Variants in GSX2 observed in about 807,000 individuals in gnomAD.
GSX2 encodes the protein genetic-screened homeobox 2.
In GSX2, 16 loss-of-function variants were observed where a neutral mutation model predicts 19.2. The ratio of observed to expected loss-of-function variants is 0.84; its 90% CI spans 0.57 to 1.27. The LOEUF is 1.27. Among genes scored for constraint, GSX2 ranks in the 50% most tolerant of loss-of-function variants. GSX2 has a pLI of 0.00. For synonymous variants in GSX2, 217 were observed against 196.4 expected (o/e 1.10, Z -0.88); for missense variants, 448 against 428.4 (o/e 1.05, Z -0.40).
In GSX2 at chr4:54,100,273, C is replaced by T. The variant is rs1207950981; in HGVS notation, c.-72C>T. ...GCCCGTGTCTGCGCGGCTCCCAGGG[C>T]AGAGCTTAGAACACTAGAGGAGAGG... is the stretch of plus-strand genomic sequence containing the variant. On this transcript the variant is annotated 5_prime_UTR_variant, in exon 1 of 2. Coordinates refer to ENST00000326902, the MANE Select transcript of GSX2 (RefSeq NM_133267.3). The T allele has an allele frequency of 1.9e-6, 3 of 1,580,760 alleles. No homozygotes were observed. The highest frequency in any genetic ancestry group is 8.6e-7 in the Non-Finnish European group (1 of 1,168,720).
In GSX2 at chr4:54,100,617, A is replaced by G; in HGVS notation, c.273A>G (p.Gly91=). ...GGAGAGVTGA[G]GSGVAGAAGA... Reference sequence around the variant, plus strand: ...CAGGGGCCGGGGTTACCGGGGCCGGAGGCAGTGGGGTGGCAGGGGCCGCAG... The same window carrying G: ...CAGGGGCCGGGGTTACCGGGGCCGGGGGCAGTGGGGTGGCAGGGGCCGCAG... The change falls in exon 1 of 2, where the codon GGA becomes GGG. Residue 91 remains glycine (G), a synonymous_variant. Transcript: ENST00000326902. 1 of 1,554,026 alleles carries G rather than the reference A, an allele frequency of 6.4e-7. No homozygotes were observed. The highest frequency in any genetic ancestry group is 1.4e-5 in the African/African-American group (1 of 73,164).
Position 54,101,804 on chromosome 4 carries a change from G to T in GSX2, c.797G>T (p.Arg266Met), listed in dbSNP as rs748340145. ...KHKKEGKGTQ[R>M]NSHAGCKCVG... ...AAGAAGGAGGGGAAGGGCACGCAGA[G>T]GAACAGTCACGCGGGCTGCAAGTGC... Residue 266 changes from arginine (R) to methionine (M), a missense_variant, in exon 2 of 2, where the codon AGG becomes ATG. By Grantham distance (91) the Arg-to-Met change is moderately conservative (BLOSUM62 -1). Coordinates refer to ENST00000326902, the MANE Select transcript of GSX2 (RefSeq NM_133267.3). The surrounding 1 kb of genome is among the most constrained non-coding windows in gnomAD (Gnocchi z 5.0). 1.2e-6 allele frequency: 2 copies of T among 1,614,132 alleles called. No individual in the cohort carries two copies. The highest frequency in any genetic ancestry group is 1.7e-5 in the Admixed American group (1 of 60,008).
Position 54,100,599 on chromosome 4 carries a change from C to T in GSX2, c.255C>T (p.Ala85=). The T allele has an allele frequency of 1.3e-6, 2 of 1,560,344 alleles. No homozygotes were observed. Among genetic ancestry groups the T allele is most frequent in the Non-Finnish European group, 1.7e-6 (2 of 1,153,466 alleles). Residue 85 remains alanine (A), a synonymous_variant, in exon 1 of 2, where the codon GCC becomes GCT. Transcript: ENST00000326902. Reference sequence around the variant, plus strand: ...GCGCCGGCAGCGGGGGCGCAGGGGCCGGGGTTACCGGGGCCGGAGGCAGTG... The same window carrying T: ...GCGCCGGCAGCGGGGGCGCAGGGGCTGGGGTTACCGGGGCCGGAGGCAGTG... ...SVGAGSGGAG[A]GVTGAGGSGV... is the part of the protein sequence containing the mutation.
Position 54,101,972 on chromosome 4 carries a change from C to G in GSX2, c.*50C>G. 2 of 1,448,988 alleles carry G rather than the reference C, an allele frequency of 1.4e-6. No individual in the cohort carries two copies. Among genetic ancestry groups the G allele is most frequent in the Non-Finnish European group, 1.9e-6 (2 of 1,077,690 alleles). The allele number at this position is 1,448,988 out of a possible 1,614,324, so 89.8% of individuals were successfully genotyped here. On this transcript the variant is annotated 3_prime_UTR_variant, in exon 2 of 2. Transcript: ENST00000326902. This position sits in a 1 kb window ranked among gnomAD's most constrained non-coding sequence, Gnocchi z 5.0. The stretch of plus-strand genomic sequence containing the variant: ...CCCGCTCCTGGCAGACCAGGCAACG[C>G]CAAGGCGTGGGGCACCCAGGGGCCA...
rs1419494185 is a variant in GSX2, at chr4:54,101,393, G to T, written c.575-189G>T. Reference sequence around the variant, plus strand: ...GTGACTTCGCATCCTGCGCATCGAAGACCTTTATTTGCTTTGCACGTCTCT... The same window carrying T: ...GTGACTTCGCATCCTGCGCATCGAATACCTTTATTTGCTTTGCACGTCTCT... On this transcript the variant is annotated intron_variant, in intron 1 of 1. Coordinates refer to ENST00000326902, the MANE Select transcript of GSX2 (RefSeq NM_133267.3). This position sits in a 1 kb window ranked among gnomAD's most constrained non-coding sequence, Gnocchi z 5.0. Among the ~76,000 whole-genome samples the T allele has an allele frequency of 1.3e-5, 2 of 152,194 alleles. No homozygotes were observed. Among genetic ancestry groups the T allele is most frequent in the African/African-American group, 4.8e-5 (2 of 41,452 alleles).
rs1031890961 is a variant in GSX2, at chr4:54,100,551, G to T, written c.207G>T (p.Leu69=). The change falls in exon 1 of 2, where the codon CTG becomes CTT. Residue 69 remains leucine (L), a synonymous_variant. Coordinates refer to ENST00000326902, the MANE Select transcript of GSX2 (RefSeq NM_133267.3). ...CVCPLCVTSH[L]HSSRGSVGAG... is the part of the protein sequence containing the mutation. ...GCCCTCTCTGCGTCACTTCGCACCTGCACTCCTCTCGGGGGTCTGTGGGCG... is the reference window on the plus strand; with the variant it reads ...GCCCTCTCTGCGTCACTTCGCACCTTCACTCCTCTCGGGGGTCTGTGGGCG... The T allele has an allele frequency of 3.3e-5, 53 of 1,606,974 alleles. No individual in the cohort carries two copies. Among genetic ancestry groups the T allele is most frequent in the Non-Finnish European group, 4.5e-5 (53 of 1,178,016 alleles).
Position 54,100,286 on chromosome 4 carries a change from A to G in GSX2, c.-59A>G, listed in dbSNP as rs1578004271. The G allele has an allele frequency of 1.9e-6, 3 of 1,596,202 alleles. No homozygotes were observed. In the East Asian group the frequency reaches 6.8e-5, roughly 36 times the overall value. On this transcript the variant is annotated 5_prime_UTR_variant, in exon 1 of 2. Transcript: ENST00000326902. ...CGGCTCCCAGGGCAGAGCTTAGAACACTAGAGGAGAGGGGTCGCCGCGAAC... is the reference window on the plus strand; with the variant it reads ...CGGCTCCCAGGGCAGAGCTTAGAACGCTAGAGGAGAGGGGTCGCCGCGAAC...
chr4:54,101,510 C>T lies in GSX2; in HGVS notation c.575-72C>T. ...CCCCGGGTGGGTCCCTGAAATGCGT[C>T]CTGGTTAGCACATGGGGTGGGAGCA... On this transcript the variant is annotated intron_variant, in intron 1 of 1. Coordinates refer to ENST00000326902, the MANE Select transcript of GSX2 (RefSeq NM_133267.3). The surrounding 1 kb of genome is among the most constrained non-coding windows in gnomAD (Gnocchi z 5.0). 1 of 1,028,544 alleles carries T rather than the reference C, an allele frequency of 9.7e-7. No individual in the cohort carries two copies. Among genetic ancestry groups the T allele is most frequent in the Admixed American group, 2.2e-5 (1 of 45,676 alleles). 63.7% of individuals were successfully genotyped at this position (1,028,544 alleles called of 1,614,324 possible). A position where few individuals can be genotyped will look rare whatever the true frequency, so the allele number is the denominator to read the frequency against.
At position 54,102,053 on chromosome 4, in the gene GSX2, T is replaced by C; in HGVS notation, c.*131T>C. 1.3e-6 allele frequency: 1 copy of C among 767,880 alleles called. No homozygotes were observed. Among genetic ancestry groups the C allele is most frequent in the Non-Finnish European group, 2.1e-6 (1 of 483,680 alleles). 47.6% of individuals were successfully genotyped at this position (767,880 alleles called of 1,614,324 possible). On this transcript the variant is annotated 3_prime_UTR_variant, in exon 2 of 2. Coordinates refer to ENST00000326902, the MANE Select transcript of GSX2 (RefSeq NM_133267.3). ...GGAGAAGAAACGAACCTGGAAGTTC[T>C]GGAATGGACAAGCCGGGACCTGACC...
rs779734371 is a variant in GSX2, at chr4:54,100,615, G to A, written c.271G>A (p.Gly91Arg). The change falls in exon 1 of 2, where the codon GGA becomes AGA. Residue 91 changes from glycine (G) to arginine (R), a missense_variant. Physicochemically the swap from Gly to Arg is moderately radical, Grantham distance 125. Transcript: ENST00000326902. ...GGAGAGVTGA[G>R]GSGVAGAAGA... ...CGCAGGGGCCGGGGTTACCGGGGCC[G>A]GAGGCAGTGGGGTGGCAGGGGCCGC... 4 of 1,554,020 alleles carry A rather than the reference G, an allele frequency of 2.6e-6. No homozygotes were observed. Among genetic ancestry groups the A allele is most frequent in the South Asian group, 2.4e-5 (2 of 84,626 alleles).
At position 54,101,635 on chromosome 4, in the gene GSX2, A is replaced by T. The variant is rs539813189; in HGVS notation, c.628A>T (p.Thr210Ser). 40 of 1,613,934 alleles carry T rather than the reference A, an allele frequency of 2.5e-5. No homozygotes were observed. The highest frequency in any genetic ancestry group is 3.0e-5 in the Non-Finnish European group (35 of 1,179,968). ...TGGCAAGAGGATGAGGACGGCGTTC[A>T]CTAGCACGCAACTCCTGGAGCTGGA... ...PNGKRMRTAFTSTQLLELERE... is the reference protein window; with the variant it reads ...PNGKRMRTAFSSTQLLELERE... The change falls in exon 2 of 2, where the codon ACT (threonine) becomes TCT (serine). Residue 210 changes from threonine to serine, a missense_variant. Physicochemically the swap from Thr to Ser is moderately conservative, Grantham distance 58. Transcript: ENST00000326902. This position sits in a 1 kb window ranked among gnomAD's most constrained non-coding sequence, Gnocchi z 5.0.
Position 54,102,461 on chromosome 4 carries a change from A to G in GSX2, c.*539A>G. The G allele has an allele frequency of 6.6e-6, 1 of 152,158 alleles. No homozygotes were observed. Among genetic ancestry groups the G allele is most frequent in the African/African-American group, 2.4e-5 (1 of 41,560 alleles). 9.4% of individuals were successfully genotyped at this position (152,158 alleles called of 1,614,324 possible). A position where few individuals can be genotyped will look rare whatever the true frequency, so the allele number is the denominator to read the frequency against. ...GTGAATAGGTTTATATAAAATTTAT[A>G]TTTATATTTATTTAAATAAATGAAA... On this transcript the variant is annotated 3_prime_UTR_variant, in exon 2 of 2. Transcript: ENST00000326902.
chr4:54,102,058 T>A lies in GSX2; in HGVS notation c.*136T>A, dbSNP rs1205090248. On this transcript the variant is annotated 3_prime_UTR_variant, in exon 2 of 2. Coordinates refer to ENST00000326902, the MANE Select transcript of GSX2 (RefSeq NM_133267.3). Reference sequence around the variant, plus strand: ...AGAAACGAACCTGGAAGTTCTGGAATGGACAAGCCGGGACCTGACCCTTCG... The same window carrying A: ...AGAAACGAACCTGGAAGTTCTGGAAAGGACAAGCCGGGACCTGACCCTTCG... 2.7e-6 allele frequency: 2 copies of A among 744,118 alleles called. No homozygotes were observed. Among genetic ancestry groups the A allele is most frequent in the Non-Finnish European group, 4.3e-6 (2 of 463,352 alleles). The allele number at this position is 744,118 out of a possible 1,614,324, so 46.1% of individuals were successfully genotyped here. A position where few individuals can be genotyped will look rare whatever the true frequency, so the allele number is the denominator to read the frequency against.
In GSX2 at chr4:54,101,160, A is replaced by G. The variant is rs1718166814; in HGVS notation, c.574+242A>G. On this transcript the variant is annotated intron_variant, in intron 1 of 1. Coordinates refer to ENST00000326902, the MANE Select transcript of GSX2 (RefSeq NM_133267.3). This position sits in a 1 kb window ranked among gnomAD's most constrained non-coding sequence, Gnocchi z 5.0. ...GGTGCTCGAGTATTGCCTTATTAATACTGGGGCCTTAGGGACCTCGAACGT... is the reference window on the plus strand; with the variant it reads ...GGTGCTCGAGTATTGCCTTATTAATGCTGGGGCCTTAGGGACCTCGAACGT... Among the ~76,000 whole-genome samples, 1 of 152,224 alleles carries G rather than the reference A, an allele frequency of 6.6e-6. No homozygotes were observed. The highest frequency in any genetic ancestry group is 1.5e-5 in the Non-Finnish European group (1 of 68,044).
chr4:54,100,933 TG>T lies in GSX2; in HGVS notation c.574+19del. On this transcript the variant is annotated intron_variant, in intron 1 of 1. Coordinates refer to ENST00000326902, the MANE Select transcript of GSX2 (RefSeq NM_133267.3). Reference sequence around the variant, plus strand: ...CCTCACCATGGGTAGGGCGGGGTCTTGGGGCACCTGCGCTCCGCGCCTTTCG... The same window carrying T: ...CCTCACCATGGGTAGGGCGGGGTCTTGGGCACCTGCGCTCCGCGCCTTTCG... 1 of 1,544,892 alleles carries T rather than the reference TG, an allele frequency of 6.5e-7. No homozygotes were observed.
In GSX2 at chr4:54,101,225, G is replaced by A. The variant is rs902272071; in HGVS notation, c.574+307G>A. Among the ~76,000 whole-genome samples, 1 of 152,158 alleles carries A rather than the reference G, an allele frequency of 6.6e-6. No individual in the cohort carries two copies. On this transcript the variant is annotated intron_variant, in intron 1 of 1. Coordinates refer to ENST00000326902, the MANE Select transcript of GSX2 (RefSeq NM_133267.3). The surrounding 1 kb of genome is among the most constrained non-coding windows in gnomAD (Gnocchi z 5.0). ...CAGAGGTTAACTGCTTGGGATTTGG[G>A]GTGGGTGTGTTTGAACCTGTGTGGC...
intron 1 of GSX2, 35 bp downstream of exon 1, chr4:54,100,953 C>T (rs752371381): frequency 2.0e-6 from 3 of 1,515,216 alleles, no homozygotes; most frequent in South Asian, 2.4e-5. Context: ...GCGCTCCGCG[C>T]CTTTCGCGCT....
At position 54,100,806 on chromosome 4, in the gene GSX2, A is replaced by G. The variant is rs371991245; in HGVS notation, c.462A>G (p.Ala154=). 24 of 1,453,226 alleles carry G rather than the reference A, an allele frequency of 1.7e-5. No homozygotes were observed. Among genetic ancestry groups the G allele is most frequent in the South Asian group, 2.9e-5 (2 of 69,838 alleles). 90.0% of individuals were successfully genotyped at this position (1,453,226 alleles called of 1,614,324 possible). A position where few individuals can be genotyped will look rare whatever the true frequency, so the allele number is the denominator to read the frequency against. ...PGSAAAAAAA[A]AAAAAAAALG... is the part of the protein sequence containing the mutation. ...CGGCCGCGGCGGCGGCAGCAGCAGC[A>G]GCGGCGGCGGCGGCCGCGGCGGCCT... is the stretch of plus-strand genomic sequence containing the variant. Residue 154 remains alanine (A), a synonymous_variant, in exon 1 of 2, where the codon GCA becomes GCG. Transcript: ENST00000326902.
Position 54,101,794 on chromosome 4 carries a change from G to T in GSX2, c.787G>T (p.Gly263Cys). The T allele has an allele frequency of 2.5e-6, 4 of 1,614,228 alleles. No homozygotes were observed. The highest frequency in any genetic ancestry group is 3.4e-6 in the Non-Finnish European group (4 of 1,180,040). Residue 263 changes from glycine (G) to cysteine (C), a missense_variant, in exon 2 of 2, where the codon GGC (glycine) becomes TGC (cysteine). Gly to Cys is a radical substitution (Grantham distance 159). Transcript: ENST00000326902. The surrounding 1 kb of genome is among the most constrained non-coding windows in gnomAD (Gnocchi z 5.0). The stretch of plus-strand genomic sequence containing the variant: ...AGTGAAGCACAAGAAGGAGGGGAAG[G>T]GCACGCAGAGGAACAGTCACGCGGG... ...RRVKHKKEGK[G>C]TQRNSHAGCK...
Sources: gnomAD v4.1 joint callset for allele counts (sites outside exome capture counted in the v4.1 genomes callset) on GRCh38, gnomAD v4.1.1 for gene constraint, Gnocchi (gnomAD v3.1) non-coding constraint, MANE v1.5 for transcripts, NCBI Gene and HGNC (gene_info 2026-07-23, HGNC 2026-07-21) for gene names.